TMEM132E: variants seen among roughly 807,000 people sequenced by gnomAD.
TMEM132E encodes transmembrane protein 132E.
TMEM132E carries 49 observed loss-of-function variants against 78.5 expected under a neutral mutation model. The observed-to-expected ratio is 0.62, with a 90% confidence interval of 0.50 to 0.79. TMEM132E has a LOEUF of 0.79. Among genes scored for constraint, TMEM132E ranks in the 30% least tolerant of loss-of-function variants. The probability of loss-of-function intolerance (pLI) is 0.00; values close to 1 mark genes in which losing one functional copy is unlikely to be tolerated. For missense variants in TMEM132E, 1,403 were observed against 1,470.9 expected (o/e 0.95, Z 0.75); for synonymous variants, 715 against 670.6 (o/e 1.07, Z -1.02).
chr17:34,602,344 AG>A (rs1906270065), intron 1 of TMEM132E, among the ~76,000 whole-genome samples: 1 of 152,228 alleles, frequency 6.6e-6, no homozygotes, highest in Non-Finnish European at 1.5e-5. Flanking sequence ...GGCTGACACA[AG>A]GCTCTGTCCA....
At chr17:34,583,290 A>G (rs1905557732) in intron 1 of TMEM132E, among the ~76,000 whole-genome samples, 1 of 152,306 alleles carries the variant, frequency 6.6e-6, no homozygotes, top group African/African-American at 2.4e-5. Context: ...TCCCCTCCTG[A>G]CTATCTGGCT....
At position 34,638,257 on chromosome 17, in the gene TMEM132E, C is replaced by G; in HGVS notation, c.*25C>G. ...GAGGCGCCAGCCGGAGTAGCAGGGA[C>G]CCCCCCCCCCAACGGGGTCAGCTCG... On this transcript the variant is annotated 3_prime_UTR_variant, in exon 9 of 9. Coordinates refer to ENST00000631683, the MANE Select transcript of TMEM132E (RefSeq NM_001304438.2). 4 of 785,182 alleles carry G rather than the reference C, an allele frequency of 5.1e-6. No individual in the cohort carries two copies. Among genetic ancestry groups the G allele is most frequent in the South Asian group, 2.2e-5 (1 of 44,852 alleles). 48.6% of individuals were successfully genotyped at this position (785,182 alleles called of 1,614,324 possible).
In TMEM132E at chr17:34,626,674, C is replaced by G. The variant is rs1175200018; in HGVS notation, c.615C>G (p.Pro205=). The G allele has an allele frequency of 5.0e-6, 7 of 1,405,524 alleles. No individual in the cohort carries two copies. Among genetic ancestry groups the G allele is most frequent in the Non-Finnish European group, 5.6e-6 (6 of 1,077,034 alleles). The allele number at this position is 1,405,524 out of a possible 1,614,324, so 87.1% of individuals were successfully genotyped here. Residue 205 remains proline (P), a synonymous_variant, in exon 2 of 9, where the codon CCC becomes CCG. Coordinates refer to ENST00000631683, the MANE Select transcript of TMEM132E (RefSeq NM_001304438.2). ...TGGCCTGGTTCGGGCCCCCAGCCCC[C>G]GCTGCGCCACCCACGGCCCGCCGCA... ...LPLAWFGPPA[P]AAPPTARRKS... is the part of the protein sequence containing the mutation.
chr17:34,626,030 C>T, intron 1 of TMEM132E, 97 bp from the exon 2 acceptor site: 2 of 1,170,552 alleles, frequency 1.7e-6, no homozygotes, highest in Non-Finnish European at 2.3e-6. Context: ...AGTTGGCAGC[C>T]CTCTGTGGGG....
chr17:34,598,555 G>A (rs1431246585), intron 1 of TMEM132E, among the ~76,000 whole-genome samples: 6 of 152,090 alleles, frequency 3.9e-5, no homozygotes, highest in Non-Finnish European at 1.5e-5. Flanking sequence ...GGCCTACCCA[G>A]GACAGCCCTG....
In TMEM132E at chr17:34,635,132, C is replaced by G. The variant is rs756088299; in HGVS notation, c.1977+45C>G. On this transcript the variant is annotated intron_variant, in intron 7 of 8. Coordinates refer to ENST00000631683, the MANE Select transcript of TMEM132E (RefSeq NM_001304438.2). ...CAGCACAAAGGGGCAGTGTCGGGAG[C>G]CTTATTTACCTGTGGGTGCAGAACT... 12 of 1,526,382 alleles carry G rather than the reference C, an allele frequency of 7.9e-6. 1 individual carries two copies. Among genetic ancestry groups the G allele is most frequent in the South Asian group, 2.5e-5 (2 of 79,418 alleles). 94.6% of individuals were successfully genotyped at this position (1,526,382 alleles called of 1,614,324 possible).
In TMEM132E at chr17:34,638,496, T is replaced by C. The variant is rs1907631345; in HGVS notation, c.*264T>C. The C allele has an allele frequency of 2.4e-6, 1 of 421,818 alleles. No homozygotes were observed. The allele number at this position is 421,818 out of a possible 1,614,324, so 26.1% of individuals were successfully genotyped here. A position where few individuals can be genotyped will look rare whatever the true frequency, so the allele number is the denominator to read the frequency against. On this transcript the variant is annotated 3_prime_UTR_variant, in exon 9 of 9. Coordinates refer to ENST00000631683, the MANE Select transcript of TMEM132E (RefSeq NM_001304438.2). The stretch of plus-strand genomic sequence containing the variant: ...GGAGGAAAGCAACCCCAGCCTCTGT[T>C]CTGCCCTTTCCAAACCTCCTCCCAT...
At chr17:34,613,152 ACTCT>A (rs141732934) in intron 1 of TMEM132E, among the ~76,000 whole-genome samples, 82 of 97,648 alleles carry the variant, frequency 8.4e-4, no homozygotes, top group Admixed American at 9.2e-4. Context: ...TGGCACTCAC[ACTCT>A]CTCTCTCTCT....
chr17:34,636,869 C>T lies in TMEM132E; in HGVS notation c.2170-308C>T, dbSNP rs753343656. Among the ~76,000 whole-genome samples, 71 of 152,246 alleles carry T rather than the reference C, an allele frequency of 4.7e-4. 1 individual carries two copies. The highest frequency in any genetic ancestry group is 3.5e-4 in the Non-Finnish European group (24 of 68,016). ...AGCAGCAGAAGGGACTTGAATTAGA[C>T]CCAAGGCAAAACTTACCTTTAGGTT... On this transcript the variant is annotated intron_variant, in intron 8 of 8. Coordinates refer to ENST00000631683, the MANE Select transcript of TMEM132E (RefSeq NM_001304438.2).
intron 1 of TMEM132E, among the ~76,000 whole-genome samples, chr17:34,625,544 A>G (rs1437717894): frequency 6.6e-6 from 1 of 152,142 alleles, no homozygotes; most frequent in African/African-American, 2.4e-5. Flanking sequence ...AGATGTTAGG[A>G]TTGGCACTCA....
At chr17:34,629,934 G>A (rs1907296336) in intron 4 of TMEM132E, 74 bp from the exon 5 acceptor site, 1 of 1,483,976 alleles carries the variant, frequency 6.7e-7, no homozygotes, top group Non-Finnish European at 9.0e-7. Flanking sequence ...GCGTCCAGGA[G>A]CTGGGGCCTT....
chr17:34,627,077 G>A lies in TMEM132E; in HGVS notation c.998+20G>A, dbSNP rs1907174420. ...ACTCAGGTAGTAGGGAAGATGGGTG[G>A]GGATCTGGTTTCCCTTCCAAGATCA... On this transcript the variant is annotated intron_variant, in intron 2 of 8. Transcript: ENST00000631683. 2 of 1,610,274 alleles carry A rather than the reference G, an allele frequency of 1.2e-6. No homozygotes were observed. The highest frequency in any genetic ancestry group is 1.7e-5 in the Admixed American group (1 of 59,934).
In TMEM132E at chr17:34,637,578, G is replaced by C. The variant is rs1488515633; in HGVS notation, c.2571G>C (p.Pro857=). The C allele has an allele frequency of 2.5e-6, 4 of 1,600,242 alleles. No individual in the cohort carries two copies. Among genetic ancestry groups the C allele is most frequent in the African/African-American group, 1.3e-5 (1 of 74,834 alleles). Residue 857 remains proline (P), a synonymous_variant, in exon 9 of 9, where the codon CCG becomes CCC. Transcript: ENST00000631683. The stretch of plus-strand genomic sequence containing the variant: ...TACCCGCACCGGAGGCTCCAGGCCC[G>C]GGCACCGCCAGCCCCGTCGTGCCAC... The part of the protein sequence containing the change: ...SALPAPEAPG[P]GTASPVVPPT...
chr17:34,581,751 C>G (rs1263162864), intron 1 of TMEM132E, among the ~76,000 whole-genome samples: 1 of 151,622 alleles, frequency 6.6e-6, no homozygotes, highest in Admixed American at 6.6e-5. Context: ...CCGCACAGGC[C>G]GGGGCGGTGG....
chr17:34,588,454 AAATGAATCAATG>A (rs1905753324), intron 1 of TMEM132E, among the ~76,000 whole-genome samples: 3 of 152,252 alleles, frequency 2.0e-5, no homozygotes, highest in Admixed American at 2.0e-4. Context: ...ATGACTTGTC[AAATGAATCAATG>A]AATGAATCAT....
intron 1 of TMEM132E, among the ~76,000 whole-genome samples, chr17:34,584,810 G>T (rs1905609884): frequency 6.6e-6 from 1 of 152,226 alleles, no homozygotes; most frequent in South Asian, 2.1e-4. Context: ...AGACCCATGT[G>T]TCTCCGGTGA....
chr17:34,619,467 C>T (rs961224810), intron 1 of TMEM132E, among the ~76,000 whole-genome samples: 1 of 150,530 alleles, frequency 6.6e-6, no homozygotes, highest in Admixed American at 6.6e-5. Flanking sequence ...CTAATCATGG[C>T]TCATGCCCCC....
In TMEM132E at chr17:34,637,567, G is replaced by A. The variant is rs778028752; in HGVS notation, c.2560G>A (p.Ala854Thr). The A allele has an allele frequency of 3.8e-6, 6 of 1,598,936 alleles. No individual in the cohort carries two copies. In the East Asian group the frequency reaches 1.3e-4, roughly 36 times the overall value. The change falls in exon 9 of 9, where the codon GCT becomes ACT. Residue 854 changes from alanine (A) to threonine (T), a missense_variant. Transcript: ENST00000631683. ...PPGSALPAPE[A>T]PGPGTASPVV... ...GGGCTCTGCGCTACCCGCACCGGAGGCTCCAGGCCCGGGCACCGCCAGCCC... is the reference window on the plus strand; with the variant it reads ...GGGCTCTGCGCTACCCGCACCGGAGACTCCAGGCCCGGGCACCGCCAGCCC...
intron 1 of TMEM132E, among the ~76,000 whole-genome samples, chr17:34,623,500 G>C (rs116937702): frequency 6.6e-6 from 1 of 150,960 alleles, no homozygotes; most frequent in African/African-American, 2.4e-5. Context: ...GGAGCGTGGG[G>C]CCCCACCTTG....
Sources: gnomAD v4.1 joint callset for allele counts (sites outside exome capture counted in the v4.1 genomes callset) on GRCh38, gnomAD v4.1.1 for gene constraint, MANE v1.5 for transcripts, NCBI Gene and HGNC (gene_info 2026-07-23, HGNC 2026-07-21) for gene names.